CDS1: variants seen among roughly 807,000 people sequenced by gnomAD.
CDS1 encodes phosphatidate cytidylyltransferase 1.
CDS1 carries 41 observed loss-of-function variants against 62.1 expected under a neutral mutation model. The observed-to-expected ratio is 0.66, with a 90% CI of 0.51 to 0.86. CDS1 has a LOEUF of 0.86. Among genes scored for constraint, CDS1 ranks in the 40% least tolerant of loss-of-function variants. The pLI is 0.00. For missense variants in CDS1, 470 were observed against 550.1 expected (o/e 0.85, Z 1.46); for synonymous variants, 185 against 192.6 (o/e 0.96, Z 0.32).
At position 84,631,792 on chromosome 4, in the gene CDS1, G is replaced by A. The variant is rs367571119; in HGVS notation, c.581-27G>A. On this transcript the variant is annotated intron_variant, in intron 5 of 12. Coordinates refer to ENST00000295887, the MANE Select transcript of CDS1 (RefSeq NM_001263.4). ...AACCCTTTGTACCAAATTGTACAAC[G>A]AGCACATGTTTTTTGTTCTTGAACA... The A allele has an allele frequency of 4.9e-5, 78 of 1,597,736 alleles. No individual in the cohort carries two copies. In the African/African-American group the frequency reaches 8.6e-4, roughly 18 times the overall value.
At chr4:84,636,448 T>C (rs1724213845) in intron 8 of CDS1, among the ~76,000 whole-genome samples, 1 of 152,160 alleles carries the variant, frequency 6.6e-6, no homozygotes, top group Non-Finnish European at 1.5e-5. Flanking sequence ...GGAGAAGAAA[T>C]AAACTAATTC....
At chr4:84,599,630 G>GTATATATATATATA (rs543750981) in intron 1 of CDS1, among the ~76,000 whole-genome samples, 66 of 150,018 alleles carry the variant, frequency 4.4e-4, no homozygotes, top group African/African-American at 1.5e-3. Flanking sequence ...ACGTGTGTGT[G>GTATATATATATATA]TATATATATA....
At chr4:84,613,348 C>T (rs1215232844) in intron 3 of CDS1, among the ~76,000 whole-genome samples, 1 of 152,062 alleles carries the variant, frequency 6.6e-6, no homozygotes, top group African/African-American at 2.4e-5. Context: ...GTGGCTCACG[C>T]CTGTAATCTC....
chr4:84,601,404 T>C (rs747671774), intron 1 of CDS1, among the ~76,000 whole-genome samples: 14 of 152,110 alleles, frequency 9.2e-5, no homozygotes, highest in Non-Finnish European at 1.9e-4. Flanking sequence ...CCATTGCTTC[T>C]GTTGAATTTC....
At chr4:84,642,726 T>C (rs1233357639) in intron 10 of CDS1, among the ~76,000 whole-genome samples, 2 of 152,180 alleles carry the variant, frequency 1.3e-5, no homozygotes, top group South Asian at 2.1e-4. Flanking sequence ...GCTGATTCTT[T>C]GTAAGAAGTA....
chr4:84,612,965 G>A (rs550374730), intron 3 of CDS1, among the ~76,000 whole-genome samples: 2 of 149,528 alleles, frequency 1.3e-5, no homozygotes, highest in South Asian at 2.1e-4. Flanking sequence ...CTCCAGTCTG[G>A]GTGACAGAGT....
At chr4:84,610,437 G>C (rs893463983) in intron 3 of CDS1, among the ~76,000 whole-genome samples, 17 of 152,178 alleles carry the variant, frequency 1.1e-4, no homozygotes, top group African/African-American at 3.4e-4. Flanking sequence ...ATTTTGGTGT[G>C]TGTGGGAAGC....
chr4:84,595,964 AT>A (rs1722734929), intron 1 of CDS1, among the ~76,000 whole-genome samples: 1 of 151,960 alleles, frequency 6.6e-6, no homozygotes, highest in South Asian at 2.2e-4. Flanking sequence ...AAGTCTTAAA[AT>A]GGGCCTTAAA....
rs1004064475 is a variant in CDS1, at chr4:84,583,291, G to A, written c.-111G>A. 43 of 714,324 alleles carry A rather than the reference G, an allele frequency of 6.0e-5. No individual in the cohort carries two copies. Among genetic ancestry groups the A allele is most frequent in the Middle Eastern group, 4.0e-4 (1 of 2,522 alleles). 44.2% of individuals were successfully genotyped at this position (714,324 alleles called of 1,614,324 possible). On this transcript the variant is annotated 5_prime_UTR_variant, in exon 1 of 13. Transcript: ENST00000295887. ...CGCGTTAGTGGCTGCGGCTCCGCGG[G>A]ACTCCAGGGCGCGGCTGCGAGGTGG...
chr4:84,627,320 A>G (rs1310489031), intron 5 of CDS1, among the ~76,000 whole-genome samples: 1 of 152,230 alleles, frequency 6.6e-6, no homozygotes, highest in African/African-American at 2.4e-5. Flanking sequence ...ACTAGGACCT[A>G]GAAGTCATAT....
intron 2 of CDS1, among the ~76,000 whole-genome samples, chr4:84,608,841 G>A (rs747104885): frequency 1.6e-4 from 25 of 151,828 alleles, no homozygotes; most frequent in Non-Finnish European, 3.4e-4. Context: ...ACCACCTAAC[G>A]TCCTAACCTC....
At chr4:84,626,845 T>C (rs1723878257) in intron 5 of CDS1, among the ~76,000 whole-genome samples, 3 of 152,174 alleles carry the variant, frequency 2.0e-5, no homozygotes, top group Non-Finnish European at 4.4e-5. Context: ...GCTGAGAACA[T>C]GCACATCCAC....
chr4:84,596,833 C>G (rs1722766294), intron 1 of CDS1, among the ~76,000 whole-genome samples: 1 of 152,106 alleles, frequency 6.6e-6, no homozygotes, highest in African/African-American at 2.4e-5. Context: ...CAAAGCCAGG[C>G]TCAAAGAGGA....
At chr4:84,590,572 G>A (rs780791214) in intron 1 of CDS1, among the ~76,000 whole-genome samples, 1 of 152,010 alleles carries the variant, frequency 6.6e-6, no homozygotes, top group Admixed American at 6.5e-5. Flanking sequence ...GGGTTTTTTT[G>A]ATGCTGTCAT....
chr4:84,604,358 G>A lies in CDS1; in HGVS notation c.233G>A (p.Gly78Asp). 1 of 1,612,932 alleles carries A rather than the reference G, an allele frequency of 6.2e-7. No individual in the cohort carries two copies. The highest frequency in any genetic ancestry group is 8.5e-7 in the Non-Finnish European group (1 of 1,179,374). ...GAGATTCTCAAAAAAGCTCTATCTG[G>A]TTTATCTTCAAGGTATGATTGGATG... Reference protein sequence around the residue: ...TPEILKKALSGLSSRWKNWWI... With the variant: ...TPEILKKALSDLSSRWKNWWI... Residue 78 changes from glycine (G) to aspartate (D), a missense_variant, in exon 2 of 13, where the codon GGT (glycine) becomes GAT (aspartate). This residue lies in a region of CDS1 where 150 missense variants were observed against 142.0 expected (regional missense o/e 1.06). Transcript: ENST00000295887.
chr4:84,611,889 G>T (rs1375258199), intron 3 of CDS1, among the ~76,000 whole-genome samples: 1 of 152,088 alleles, frequency 6.6e-6, no homozygotes, highest in African/African-American at 2.4e-5. Context: ...TGTGCCAAGG[G>T]CTAAAATGAT....
chr4:84,608,396 G>T (rs560199818), intron 2 of CDS1, among the ~76,000 whole-genome samples: 11 of 152,182 alleles, frequency 7.2e-5, no homozygotes, highest in Admixed American at 7.2e-4. Flanking sequence ...GGATGGTCTC[G>T]ATCTCCTGAC....
chr4:84,591,202 A>G (rs1305391445), intron 1 of CDS1, among the ~76,000 whole-genome samples: 1 of 152,240 alleles, frequency 6.6e-6, no homozygotes, highest in Non-Finnish European at 1.5e-5. Context: ...TTTGTAAAAT[A>G]GACTCTCACA....
At chr4:84,624,587 C>T (rs909973525) in intron 5 of CDS1, among the ~76,000 whole-genome samples, 1 of 152,136 alleles carries the variant, frequency 6.6e-6, no homozygotes, top group Non-Finnish European at 1.5e-5. Flanking sequence ...ATCATTGTAT[C>T]CATATCTGCA....
Sources: allele counts gnomAD v4.1 joint callset (sites outside exome capture counted in the v4.1 genomes callset), GRCh38; gene constraint gnomAD v4.1.1; regional missense constraint gnomAD v4.1.1; transcripts MANE v1.5; gene names NCBI Gene and HGNC (gene_info 2026-07-23, HGNC 2026-07-21).